Variants in BTBD1 observed in about 807,000 individuals in gnomAD.
BTBD1 encodes BTB domain containing 1.
Under a neutral mutation model 48.0 loss-of-function variants are expected in BTBD1, and 34 were observed. The observed-to-expected ratio is 0.71, with a 90% CI of 0.54 to 0.94. The LOEUF (loss-of-function observed/expected upper bound fraction) is 0.94, where lower values mean the gene tolerates loss of function less well. BTBD1 is among the 40% of genes least tolerant of loss of function. BTBD1 has a pLI of 0.00. For synonymous variants in BTBD1, 261 were observed against 242.1 expected (o/e 1.08, Z -0.72); for missense variants, 543 against 625.6 (o/e 0.87, Z 1.41).
intron 1 of BTBD1, among the ~76,000 whole-genome samples, chr15:83,058,789 G>A (rs763369870): frequency 9.2e-5 from 14 of 152,092 alleles, no homozygotes; most frequent in Non-Finnish European, 1.6e-4. Context: ...ACACTTAACA[G>A]GACAAGTGCC....
intron 3 of BTBD1, among the ~76,000 whole-genome samples, chr15:83,046,181 A>G (rs2151308701): frequency 6.6e-6 from 1 of 152,298 alleles, no homozygotes; most frequent in African/African-American, 2.4e-5. Flanking sequence ...AGATGGCTTG[A>G]GCACAGGAGT....
In BTBD1 at chr15:83,018,810, G is replaced by T. The variant is rs761660948; in HGVS notation, c.1187C>A (p.Thr396Asn). The T allele has an allele frequency of 2.5e-6, 4 of 1,613,980 alleles. No individual in the cohort carries two copies. The highest frequency in any genetic ancestry group is 2.5e-6 in the Non-Finnish European group (3 of 1,179,864). ...AGCTGTCCCATCACAACTAAAGCCG[G>T]TATCATTCTGTCCCAGGGTTTGCTT... ...EKKQTLGQND[T>N]GFSCDGTANT... Residue 396 changes from threonine (T) to asparagine (N), a missense_variant, in exon 7 of 8, where the codon ACC (threonine) becomes AAC (asparagine). Physicochemically the swap from Thr to Asn is moderately conservative, Grantham distance 65 (BLOSUM62 0). Around this residue, in one of 3 missense-constraint regions of BTBD1, gnomAD observed 300 missense variants for 350.0 expected, o/e 0.86. Coordinates refer to ENST00000261721, the MANE Select transcript of BTBD1 (RefSeq NM_025238.4).
intron 1 of BTBD1, 132 bp downstream of exon 1, chr15:83,066,619 T>C: frequency 1.0e-6 from 1 of 1,000,700 alleles, no homozygotes; most frequent in Non-Finnish European, 1.3e-6. Flanking sequence ...GGGAGGAAAC[T>C]GAGGCCCCGG....
chr15:83,039,260 A>G (rs2032692119), intron 4 of BTBD1, among the ~76,000 whole-genome samples: 1 of 152,218 alleles, frequency 6.6e-6, no homozygotes, highest in African/African-American at 2.4e-5. Context: ...ACAAGCAGCC[A>G]ACAAACATGA....
Position 83,067,124 on chromosome 15 carries a change from C to A in BTBD1, c.28G>T (p.Gly10Trp), listed in dbSNP as rs1238715598. 2 of 1,447,898 alleles carry A rather than the reference C, an allele frequency of 1.4e-6. No individual in the cohort carries two copies. The highest frequency in any genetic ancestry group is 2.4e-4 in the Middle Eastern group (1 of 4,234). 89.7% of individuals were successfully genotyped at this position (1,447,898 alleles called of 1,614,324 possible). A position where few individuals can be genotyped will look rare whatever the true frequency, so the allele number is the denominator to read the frequency against. Residue 10 changes from glycine (G) to tryptophan (W), a missense_variant, in exon 1 of 8, where the codon GGG becomes TGG. Coordinates refer to ENST00000261721, the MANE Select transcript of BTBD1 (RefSeq NM_025238.4). Reference sequence around the variant, plus strand: ...GCCTCAGCCCCCGACGCCTGCTCCCCAGCTGCGGCAGGCCCGAGTGAGGCC... The same window carrying A: ...GCCTCAGCCCCCGACGCCTGCTCCCAAGCTGCGGCAGGCCCGAGTGAGGCC... MASLGPAAA[G>W]EQASGAEAEP... is the part of the protein sequence containing the mutation.
At chr15:83,018,479 C>G (rs1420404983) in intron 7 of BTBD1, among the ~76,000 whole-genome samples, 1 of 152,192 alleles carries the variant, frequency 6.6e-6, no homozygotes, top group African/African-American at 2.4e-5. Context: ...GCCAAACATT[C>G]AACTGCTTAC....
intron 4 of BTBD1, among the ~76,000 whole-genome samples, chr15:83,040,832 A>C (rs977183223): frequency 6.6e-6 from 1 of 151,980 alleles, no homozygotes; most frequent in South Asian, 2.1e-4. Context: ...TGGAGACTCA[A>C]AACAGATCTG....
chr15:83,032,977 A>AAAAAAAAAAAAC (rs2032551824), intron 4 of BTBD1, among the ~76,000 whole-genome samples: 1 of 149,426 alleles, frequency 6.7e-6, no homozygotes. Flanking sequence ...CTCAAAAAAA[A>AAAAAAAAAAAAC]AAAAAAAAAA....
rs761209502 is a variant in BTBD1 at position 83,029,852 on chromosome 15, G to A, written c.1055+284C>T. On this transcript the variant is annotated intron_variant, in intron 5 of 7. Transcript: ENST00000261721. ...CCACTGCACTCCAGCCTGAGTGACA[G>A]AGCGACTCCATCTTGGGGAAAAACA... 4 of 359,140 alleles carry A rather than the reference G, an allele frequency of 1.1e-5. No individual in the cohort carries two copies. The East Asian group carries it at 2.7e-4, about 24-fold the overall frequency. The allele number at this position is 359,140 out of a possible 1,614,324, so 22.2% of individuals were successfully genotyped here. A position where few individuals can be genotyped will look rare whatever the true frequency, so the allele number is the denominator to read the frequency against.
chr15:83,025,968 A>G (rs1184590661), intron 5 of BTBD1, among the ~76,000 whole-genome samples: 3 of 151,866 alleles, frequency 2.0e-5, no homozygotes, highest in African/African-American at 7.3e-5. Flanking sequence ...ACGGGGTTTC[A>G]CCGTGTTAGC....
intron 4 of BTBD1, among the ~76,000 whole-genome samples, chr15:83,032,267 G>C (rs2032531557): frequency 6.6e-6 from 1 of 151,956 alleles, no homozygotes; most frequent in African/African-American, 2.4e-5. Flanking sequence ...GTTACAGTGA[G>C]CCGAGATCGC....
At position 83,050,121 on chromosome 15, in the gene BTBD1, T is replaced by C; in HGVS notation, c.616A>G (p.Ser206Gly). 6.2e-7 allele frequency: 1 copy of C among 1,613,376 alleles called. No individual in the cohort carries two copies. The highest frequency in any genetic ancestry group is 8.5e-7 in the Non-Finnish European group (1 of 1,179,630). The change falls in exon 3 of 8, where the codon AGC (serine) becomes GGC (glycine). Residue 206 changes from serine (S) to glycine (G), a missense_variant. Coordinates refer to ENST00000261721, the MANE Select transcript of BTBD1 (RefSeq NM_025238.4). Reference protein sequence around the residue: ...ASLCLDTIDKSTMDAISAEGF... With the variant: ...ASLCLDTIDKGTMDAISAEGF... ...TCTGCACTTATTGCATCCATTGTGC[T>C]TTTGTCTATTGTATCTAGACAAAGA...
chr15:83,052,525 A>C (rs1382299148), intron 2 of BTBD1, among the ~76,000 whole-genome samples: 1 of 152,070 alleles, frequency 6.6e-6, no homozygotes, highest in African/African-American at 2.4e-5. Flanking sequence ...AACGTTTTTT[A>C]ATAACATTTT....
chr15:83,030,584 A>C (rs2032497076), intron 4 of BTBD1: 1 of 366,612 alleles, frequency 2.7e-6, no homozygotes, highest in Non-Finnish European at 4.9e-6. Flanking sequence ...CATGGATGCC[A>C]GGAATCCTCC....
chr15:83,024,511 T>C (rs970673432), intron 5 of BTBD1, among the ~76,000 whole-genome samples: 14 of 152,272 alleles, frequency 9.2e-5, no homozygotes, highest in African/African-American at 3.4e-4. Flanking sequence ...AACATTCACC[T>C]GTTCCAGCAC....
At chr15:83,025,171 T>C (rs1183484501) in intron 5 of BTBD1, among the ~76,000 whole-genome samples, 1 of 151,918 alleles carries the variant, frequency 6.6e-6, no homozygotes, top group Non-Finnish European at 1.5e-5. Context: ...CTGACCAACA[T>C]GGTGAAACCC....
At chr15:83,029,299 C>T (rs2032471027) in intron 5 of BTBD1, among the ~76,000 whole-genome samples, 1 of 152,184 alleles carries the variant, frequency 6.6e-6, no homozygotes, top group African/African-American at 2.4e-5. Context: ...AAAACCGGCA[C>T]TGATTCTATT....
chr15:83,047,750 T>C (rs186356505), intron 3 of BTBD1, among the ~76,000 whole-genome samples: 2 of 152,340 alleles, frequency 1.3e-5, no homozygotes, highest in East Asian at 1.9e-4. Flanking sequence ...TGGTCTGTTA[T>C]ATGAGCGTGA....
intron 4 of BTBD1, among the ~76,000 whole-genome samples, chr15:83,040,971 G>C (rs1017920458): frequency 2.6e-5 from 4 of 151,558 alleles, no homozygotes; most frequent in Non-Finnish European, 5.9e-5. Context: ...ACAGGATGGT[G>C]AAATCCTGTC....
Sources: gnomAD v4.1 joint callset for allele counts (sites outside exome capture counted in the v4.1 genomes callset) on GRCh38, gnomAD v4.1.1 for gene constraint, gnomAD v4.1.1 regional missense constraint, MANE v1.5 for transcripts, NCBI Gene and HGNC (gene_info 2026-07-23, HGNC 2026-07-21) for gene names.